APOM: variants seen among roughly 807,000 people sequenced by gnomAD.
The protein encoded by APOM is apolipoprotein M, also known as NG20-like protein.
APOM carries 24 observed loss-of-function variants against 23.5 expected under a neutral mutation model. The observed-to-expected ratio is 1.02, with a 90% confidence interval of 0.74 to 1.44. The LOEUF (loss-of-function observed/expected upper bound fraction) is 1.44, where lower values mean the gene tolerates loss of function less well. Ranked by LOEUF, APOM falls within the 40% of genes most tolerant of loss-of-function variation. The probability of loss-of-function intolerance (pLI) is 0.00; values close to 1 mark genes in which losing one functional copy is unlikely to be tolerated. For synonymous variants in APOM, 82 were observed against 84.1 expected, an observed-to-expected ratio of 0.97 and a Z score of 0.14; for missense variants, 200 against 233.2, an observed-to-expected ratio of 0.86 and a Z score of 0.93.
Position 31,657,217 on chromosome 6 carries a change from C to T in APOM, c.270-8C>T, listed in dbSNP as rs757530676. The T allele has an allele frequency of 6.2e-7, 1 of 1,612,840 alleles. No homozygotes were observed. Among genetic ancestry groups the T allele is most frequent in the South Asian group, 1.1e-5 (1 of 91,078 alleles). On this transcript the variant is annotated splice_polypyrimidine_tract_variant and splice_region_variant and intron_variant, in intron 2 of 5. Coordinates refer to ENST00000375916, the MANE Select transcript of APOM (RefSeq NM_019101.3). ...ATTCTTTCCTCCTTGCCACCACCAC[C>T]TCTGCAGGAAAGATGGGCTCTGTGT...
At position 31,657,700 on chromosome 6, in the gene APOM, T is replaced by C. The variant is rs1367908194; in HGVS notation, c.518T>C (p.Phe173Ser). The change falls in exon 5 of 6, where the codon TTC (phenylalanine) becomes TCC (serine). Residue 173 changes from phenylalanine to serine, a missense_variant. Transcript: ENST00000375916. ...SLTSCLDSKAFLLTPRNQEAC... is the reference protein window; with the variant it reads ...SLTSCLDSKASLLTPRNQEAC... Reference sequence around the variant, plus strand: ...ACTTCCTGCCTGGACTCCAAAGCCTTCTTATTGACTCCTAGGAATCAAGGT... The same window carrying C: ...ACTTCCTGCCTGGACTCCAAAGCCTCCTTATTGACTCCTAGGAATCAAGGT... The C allele has an allele frequency of 1.1e-5, 18 of 1,612,712 alleles. 1 individual carries two copies. Among genetic ancestry groups the C allele is most frequent in the Middle Eastern group, 1.6e-4 (1 of 6,084 alleles).
At chr6:31,656,658 G>A (rs964009130) in intron 2 of APOM, 32 bp downstream of exon 2, 2 of 1,604,406 alleles carry the variant, frequency 1.2e-6, no homozygotes, top group African/African-American at 2.7e-5. Flanking sequence ...GCATCACTGG[G>A]TTCAGTCTCT....
In APOM at chr6:31,655,950, C is replaced by T. The variant is rs770334920; in HGVS notation, c.-17C>T. 6.5e-7 allele frequency: 1 copy of T among 1,543,512 alleles called. No individual in the cohort carries two copies. The highest frequency in any genetic ancestry group is 1.8e-5 in the Admixed American group (1 of 54,874). ...GCAGTTAAGGCACACAGAGCACCAG[C>T]TCCCTCCTGCCTGAAGATGTTCCAC... On this transcript the variant is annotated 5_prime_UTR_variant, in exon 1 of 6. Coordinates refer to ENST00000375916, the MANE Select transcript of APOM (RefSeq NM_019101.3).
At chr6:31,652,987 T>C (rs1442889851), upstream of APOM, among the ~76,000 whole-genome samples, 1 of 152,146 alleles carries the variant, frequency 6.6e-6, no homozygotes, top group Non-Finnish European at 1.5e-5. Flanking sequence ...CTTCTGTGCC[T>C]CCGGAAGTTA....
At chr6:31,654,905 A>G (rs1799869944), upstream of APOM, among the ~76,000 whole-genome samples, 1 of 152,202 alleles carries the variant, frequency 6.6e-6, no homozygotes, top group African/African-American at 2.4e-5. Context: ...TGATTTGCCA[A>G]TTTTACAGAT....
chr6:31,657,873 CAAA>C (rs1253085371), intron 5 of APOM, 150 bp downstream of exon 5: 5 of 964,994 alleles, frequency 5.2e-6, no homozygotes, highest in Non-Finnish European at 8.1e-6. Context: ...CTGGGCTACT[CAAA>C]AGAGAGGTTT....
At chr6:31,652,466 G>GA (rs2151105742), upstream of APOM, 1 of 152,444 alleles carries the variant, frequency 6.6e-6, no homozygotes, top group African/African-American at 2.4e-5. Flanking sequence ...AGTATTTGGG[G>GA]ATCTCGAAGC....
Position 31,657,465 on chromosome 6 carries a change from C to A in APOM, c.429C>A (p.Arg143=), listed in dbSNP as rs1457170171. ...ATGAGACAGGCCAGGGTTACCAGCG[C>A]TTTCTCCTCTACAGTGAGTAGGGAT... ...MLNETGQGYQ[R]FLLYNRSPHP... Residue 143 remains arginine, a synonymous_variant, in exon 4 of 6, where the codon CGC becomes CGA. Transcript: ENST00000375916. 6.2e-6 allele frequency: 10 copies of A among 1,612,688 alleles called. No individual in the cohort carries two copies. Among genetic ancestry groups the A allele is most frequent in the Non-Finnish European group, 5.9e-6 (7 of 1,180,044 alleles).
In APOM at chr6:31,657,366, A is replaced by T. The variant is rs1800216173; in HGVS notation, c.344-14A>T. ...GCATCTCTGTTCTCATACTTCTCCC[A>T]CCTGCCTTGACAGGCCGCCCTGACA... On this transcript the variant is annotated splice_polypyrimidine_tract_variant and intron_variant, in intron 3 of 5. Transcript: ENST00000375916. 1 of 1,612,732 alleles carries T rather than the reference A, an allele frequency of 6.2e-7. No individual in the cohort carries two copies. Among genetic ancestry groups the T allele is most frequent in the South Asian group, 1.1e-5 (1 of 91,074 alleles).
upstream of APOM, among the ~76,000 whole-genome samples, chr6:31,653,777 G>A (rs910559101): frequency 6.6e-6 from 1 of 152,182 alleles, no homozygotes; most frequent in Non-Finnish European, 1.5e-5. Context: ...TGCCTCCCGA[G>A]CCCAACCGAT....
intron 2 of APOM, among the ~76,000 whole-genome samples, chr6:31,657,006 C>T (rs1800151034): frequency 6.6e-6 from 1 of 152,098 alleles, no homozygotes; most frequent in Non-Finnish European, 1.5e-5. Context: ...ACTAGCTGGG[C>T]ATGGTGGTGG....
At chr6:31,653,077 G>A (rs754344585), upstream of APOM, among the ~76,000 whole-genome samples, 5 of 152,268 alleles carry the variant, frequency 3.3e-5, no homozygotes, top group Non-Finnish European at 4.4e-5. Context: ...CGGTTCTGCC[G>A]GGTGGGCGTT....
upstream of APOM, among the ~76,000 whole-genome samples, chr6:31,652,947 C>T (rs1164508298): frequency 6.6e-6 from 1 of 152,160 alleles, no homozygotes; most frequent in Non-Finnish European, 1.5e-5. Context: ...TAAAACTCTT[C>T]TCCACCCTAT....
At chr6:31,655,697 TC>T (rs1199466055), upstream of APOM, 14 of 412,900 alleles carry the variant, frequency 3.4e-5, no homozygotes, top group Admixed American at 1.1e-4. Context: ...CACAGGCTTC[TC>T]CCTGGACAGC....
At chr6:31,655,128 A>T (rs1419880569), upstream of APOM, among the ~76,000 whole-genome samples, 1 of 152,136 alleles carries the variant, frequency 6.6e-6, no homozygotes, top group Non-Finnish European at 1.5e-5. Flanking sequence ...TTTTGTAGAG[A>T]CAGAGTTTTG....
chr6:31,657,791 G>A (rs1200399657), intron 5 of APOM, 68 bp downstream of exon 5: 3 of 1,401,310 alleles, frequency 2.1e-6, no homozygotes, highest in Non-Finnish European at 3.0e-6. Context: ...CAGGGTGAAA[G>A]AGGCTCGTGT....
At chr6:31,656,120 T>G in intron 1 of APOM, 40 bp downstream of exon 1, 2 of 1,487,796 alleles carry the variant, frequency 1.3e-6, no homozygotes, top group Non-Finnish European at 1.8e-6. Flanking sequence ...GTGGAGGCTC[T>G]GAGGGACTTG....
chr6:31,656,556 G>A lies in APOM; in HGVS notation c.199G>A (p.Asp67Asn), dbSNP rs369193369. ...GGAGTTGGCAACTTTTGACCCTGTGGACAACATTGTCTTCAATATGGCTGC... is the reference window on the plus strand; with the variant it reads ...GGAGTTGGCAACTTTTGACCCTGTGAACAACATTGTCTTCAATATGGCTGC... Reference protein sequence around the residue: ...KEELATFDPVDNIVFNMAAGS... With the variant: ...KEELATFDPVNNIVFNMAAGS... Residue 67 changes from aspartate to asparagine, a missense_variant, in exon 2 of 6, where the codon GAC (aspartate) becomes AAC (asparagine). By Grantham distance (23) the Asp-to-Asn change is conservative. Transcript: ENST00000375916. 7 of 1,614,126 alleles carry A rather than the reference G, an allele frequency of 4.3e-6. No homozygotes were observed. The South Asian group carries it at 5.5e-5, about 13-fold the overall frequency.
At chr6:31,657,145 CAAA>C (rs377060558) in intron 2 of APOM, 77 bp from the exon 3 acceptor site, 668 of 1,178,844 alleles carry the variant, frequency 5.7e-4, no homozygotes, top group Non-Finnish European at 6.6e-4. Flanking sequence ...GACTCTGTCT[CAAA>C]AAAAAAAAAA....
Sources: allele counts gnomAD v4.1 joint callset (sites outside exome capture counted in the v4.1 genomes callset), GRCh38; gene constraint gnomAD v4.1.1; transcripts MANE v1.5; gene names NCBI Gene and HGNC (gene_info 2026-07-23, HGNC 2026-07-21).